The following SV2C variants were observed in gnomAD, a reference collection of about 807,000 sequenced individuals.
The protein encoded by SV2C is solute carrier family 22 member B3.
SV2C carries 49 observed loss-of-function variants against 79.7 expected under a neutral mutation model. That is an observed-to-expected ratio of 0.61 (90% CI 0.49 to 0.78). The LOEUF (loss-of-function observed/expected upper bound fraction) is 0.78. Ranked by LOEUF, SV2C falls within the 30% of genes least tolerant of loss-of-function variation. SV2C has a pLI of 0.00. For synonymous variants in SV2C, 334 were observed against 333.2 expected, an observed-to-expected ratio of 1.00 and a Z score of -0.03; for missense variants, 833 against 912.9, an observed-to-expected ratio of 0.91 and a Z score of 1.13.
chr5:75,953,699 C>T, the SV2C span, among the ~76,000 whole-genome samples: 1 of 151,902 alleles, frequency 6.6e-6, no homozygotes, highest in South Asian at 2.1e-4. Context: ...TGCCTCAGCT[C>T]CCTTGTTCCT....
chr5:76,174,088 G>A (rs547390846), intron 2 of SV2C: 12 of 1,578,608 alleles, frequency 7.6e-6, no homozygotes, highest in Admixed American at 3.3e-5. Context: ...TCGTAGGATC[G>A]TATTTTTCTA....
At chr5:76,273,911 G>A (rs1196267931) in intron 4 of SV2C, among the ~76,000 whole-genome samples, 2 of 152,208 alleles carry the variant, frequency 1.3e-5, no homozygotes, top group South Asian at 2.1e-4. Context: ...CAAGGGGAAC[G>A]GCCACAGCCC....
At chr5:76,120,228 C>A (rs998742560) in intron 1 of SV2C, among the ~76,000 whole-genome samples, 1 of 151,410 alleles carries the variant, frequency 6.6e-6, no homozygotes, top group Non-Finnish European at 1.5e-5. Flanking sequence ...TGTAGCATCT[C>A]ACAAACGTGA....
intron 2 of SV2C, among the ~76,000 whole-genome samples, chr5:76,157,305 A>C (rs898679753): frequency 1.3e-5 from 2 of 152,130 alleles, no homozygotes; most frequent in Admixed American, 1.3e-4. Context: ...AAAATCTTAT[A>C]TTCAGCAAAG....
the SV2C span, among the ~76,000 whole-genome samples, chr5:76,025,233 G>A: frequency 1.3e-5 from 2 of 150,038 alleles, no homozygotes; most frequent in African/African-American, 4.9e-5. Context: ...AGCAGTGCTT[G>A]GGGAAGAGAC....
At chr5:75,987,117 A>C in the SV2C span, among the ~76,000 whole-genome samples, 1 of 152,068 alleles carries the variant, frequency 6.6e-6, no homozygotes, top group Middle Eastern at 3.4e-3. Context: ...ATGCAAAATG[A>C]AGCTCACACT....
chr5:76,097,518 T>C (rs1747605326), intron 1 of SV2C, among the ~76,000 whole-genome samples: 1 of 152,228 alleles, frequency 6.6e-6, no homozygotes, highest in Non-Finnish European at 1.5e-5. Flanking sequence ...GTCTTCATTT[T>C]GTATTTGAGA....
the SV2C span, among the ~76,000 whole-genome samples, chr5:75,881,544 A>C: frequency 6.6e-6 from 1 of 151,920 alleles, no homozygotes; most frequent in African/African-American, 2.4e-5. Context: ...TAGGTATTTT[A>C]TTCTCTTTGA....
chr5:76,310,977 G>A lies in SV2C; in HGVS notation c.2000+9432G>A, dbSNP rs546177681. On this transcript the variant is annotated intron_variant, in intron 12 of 12. Coordinates refer to ENST00000502798, the MANE Select transcript of SV2C (RefSeq NM_014979.4). ...TAAGATGTCTTGATCTTCAAAAATG[G>A]TGTATGACATTGAGAGAAGGCTTTG... Among the ~76,000 whole-genome samples the A allele has an allele frequency of 2.4e-3, 371 of 152,298 alleles. 3 individuals are homozygous for A. Among genetic ancestry groups the A allele is most frequent in the African/African-American group, 8.4e-3 (350 of 41,564 alleles).
the SV2C span, among the ~76,000 whole-genome samples, chr5:76,074,255 A>G: frequency 6.6e-6 from 1 of 152,098 alleles, no homozygotes; most frequent in African/African-American, 2.4e-5. Flanking sequence ...CTCCAAACCA[A>G]TCCCTGGGAC....
At chr5:76,336,050 G>T (rs1411059738), downstream of SV2C, among the ~76,000 whole-genome samples, 1 of 145,148 alleles carries the variant, frequency 6.9e-6, no homozygotes, top group African/African-American at 2.5e-5. Flanking sequence ...CGGGCGGGGG[G>T]CTGACCCCCC....
chr5:75,880,163 A>ATATC, the SV2C span, among the ~76,000 whole-genome samples: 2 of 146,552 alleles, frequency 1.4e-5, no homozygotes, highest in Non-Finnish European at 3.0e-5. Flanking sequence ...TGCCTCAGAG[A>ATATC]TATCTGAAAA....
chr5:76,320,329 G>A (rs1224555657), intron 12 of SV2C, among the ~76,000 whole-genome samples: 2 of 152,082 alleles, frequency 1.3e-5, no homozygotes, highest in Non-Finnish European at 2.9e-5. Flanking sequence ...GACTTTTAGG[G>A]CAGTAAAGCT....
chr5:75,957,614 G>C, the SV2C span, among the ~76,000 whole-genome samples: 1 of 152,034 alleles, frequency 6.6e-6, no homozygotes, highest in Non-Finnish European at 1.5e-5. Context: ...TCTTTGATCA[G>C]CTTGACATTC....
At chr5:76,241,513 T>C (rs1392719559) in intron 4 of SV2C, among the ~76,000 whole-genome samples, 3 of 152,216 alleles carry the variant, frequency 2.0e-5, no homozygotes, top group Non-Finnish European at 4.4e-5. Flanking sequence ...ATCCATAATC[T>C]AGAAACAGAA....
intron 1 of SV2C, among the ~76,000 whole-genome samples, chr5:76,089,763 A>G (rs1200992045): frequency 6.6e-6 from 1 of 152,144 alleles, no homozygotes; most frequent in Non-Finnish European, 1.5e-5. Flanking sequence ...TCCGATTTGC[A>G]TTTCTCTAAT....
intron 12 of SV2C, among the ~76,000 whole-genome samples, chr5:76,318,986 A>G (rs1167680540): frequency 6.6e-6 from 1 of 152,252 alleles, no homozygotes; most frequent in Non-Finnish European, 1.5e-5. Context: ...TGCAGAAGCA[A>G]TACAGTTTCC....
the SV2C span, among the ~76,000 whole-genome samples, chr5:76,036,235 T>C: frequency 6.6e-5 from 10 of 151,922 alleles, no homozygotes; most frequent in Non-Finnish European, 1.5e-4. Context: ...GAGCATTTAG[T>C]CCATTTACAT....
At chr5:75,990,131 A>T in the SV2C span, among the ~76,000 whole-genome samples, 1 of 151,976 alleles carries the variant, frequency 6.6e-6, no homozygotes, top group African/African-American at 2.4e-5. Context: ...TTTGCTGTGC[A>T]AAAGCTCTTT....
Sources: allele counts gnomAD v4.1 joint callset (sites outside exome capture counted in the v4.1 genomes callset), GRCh38; gene constraint gnomAD v4.1.1; transcripts MANE v1.5; gene names NCBI Gene and HGNC (gene_info 2026-07-23, HGNC 2026-07-21).